FNDC3B: variants seen among roughly 807,000 people sequenced by gnomAD.
FNDC3B encodes the protein fibronectin type III domain containing 3B, also known as fibronectin type III domain-containing protein 3B.
FNDC3B carries 12 observed loss-of-function variants against 151.5 expected under a neutral mutation model. The observed-to-expected ratio is 0.08, with a 90% CI of 0.05 to 0.13. FNDC3B has a LOEUF of 0.13. Among genes scored for constraint, FNDC3B ranks in the 10% least tolerant of loss-of-function variants. The pLI, the probability that FNDC3B is intolerant of heterozygous loss-of-function variation, is 1.00. For synonymous variants in FNDC3B, 528 were observed against 549.0 expected (o/e 0.96, Z 0.54); for missense variants, 1,214 against 1,505.3 (o/e 0.81, Z 3.20).
At chr3:172,214,942 G>A (rs574853454) in intron 3 of FNDC3B, among the ~76,000 whole-genome samples, 1 of 152,324 alleles carries the variant, frequency 6.6e-6, no homozygotes, top group South Asian at 2.1e-4. Flanking sequence ...AACAATAATT[G>A]AAATCCCTGA....
intron 25 of FNDC3B, among the ~76,000 whole-genome samples, chr3:172,387,000 A>C (rs1576968907): frequency 6.6e-6 from 1 of 152,104 alleles, no homozygotes; most frequent in Admixed American, 6.6e-5. Flanking sequence ...TCTGTCGCCC[A>C]GGCTGGAGTA....
At chr3:172,356,181 G>C (rs1734087364) in intron 22 of FNDC3B, among the ~76,000 whole-genome samples, 1 of 152,166 alleles carries the variant, frequency 6.6e-6, no homozygotes, top group Non-Finnish European at 1.5e-5. Context: ...GGTGAGATGG[G>C]CTTTACTAGG....
intron 17 of FNDC3B, among the ~76,000 whole-genome samples, chr3:172,342,801 A>T (rs926266259): frequency 6.6e-6 from 1 of 152,220 alleles, no homozygotes; most frequent in African/African-American, 2.4e-5. Flanking sequence ...CCAGTGCCAT[A>T]TGAAGTCTAT....
At chr3:172,187,304 C>A (rs1025493560) in intron 3 of FNDC3B, 1 of 152,160 alleles carries the variant, frequency 6.6e-6, no homozygotes, top group Admixed American at 6.5e-5. Context: ...CATTACTTGA[C>A]CTCTTCTTAT....
intron 4 of FNDC3B, among the ~76,000 whole-genome samples, chr3:172,246,335 A>T (rs1461341620): frequency 6.6e-6 from 1 of 152,206 alleles, no homozygotes; most frequent in Non-Finnish European, 1.5e-5. Flanking sequence ...CCTGACCTAG[A>T]GGCCATCTCT....
rs180939787 is a variant in FNDC3B, at chr3:172,127,302, G to T, written c.112-6169G>T. On this transcript the variant is annotated intron_variant, in intron 2 of 25. Coordinates refer to ENST00000415807, the MANE Select transcript of FNDC3B (RefSeq NM_022763.4). ...TTAACTGCATTCTCTTATTTTAGCA[G>T]TCTTGTTGAATTATCTCTGTATTGA... 1.6e-3 allele frequency among the ~76,000 whole-genome samples: 248 copies of T among 152,292 alleles called. 3 individuals are homozygous for T. Among genetic ancestry groups the T allele is most frequent in the African/African-American group, 5.7e-3 (238 of 41,568 alleles).
intron 21 of FNDC3B, among the ~76,000 whole-genome samples, chr3:172,350,435 A>G (rs1247759426): frequency 6.6e-6 from 1 of 152,198 alleles, no homozygotes; most frequent in Non-Finnish European, 1.5e-5. Context: ...GGGCTCCATG[A>G]TATCCTATTT....
intron 6 of FNDC3B, among the ~76,000 whole-genome samples, chr3:172,265,896 C>T (rs1450172806): frequency 6.6e-6 from 1 of 152,148 alleles, no homozygotes; most frequent in Non-Finnish European, 1.5e-5. Context: ...CAGATGTTCC[C>T]TCAGCATTTC....
At chr3:172,055,930 G>A (rs1245321321) in intron 1 of FNDC3B, among the ~76,000 whole-genome samples, 1 of 152,010 alleles carries the variant, frequency 6.6e-6, no homozygotes, top group Non-Finnish European at 1.5e-5. Flanking sequence ...ATAGGCGCCC[G>A]CCACCACGCC....
At chr3:172,102,266 G>A (rs139761215) in intron 1 of FNDC3B, among the ~76,000 whole-genome samples, 1 of 152,270 alleles carries the variant, frequency 6.6e-6, no homozygotes, top group African/African-American at 2.4e-5. Flanking sequence ...AGGATGTTTT[G>A]ATGCTAGGTA....
rs983103309 is a variant in FNDC3B at position 172,251,875 on chromosome 3, A to G, written c.790+334A>G. On this transcript the variant is annotated intron_variant, in intron 6 of 25. Transcript: ENST00000415807. ...CAGATGTGGAAGAAATCCAAAGATA[A>G]TTTTTCTAAAAGTGTAGGCTAGTTT... is the stretch of plus-strand genomic sequence containing the variant. Among the ~76,000 whole-genome samples the G allele has an allele frequency of 7.2e-5, 11 of 152,332 alleles. 1 individual carries two copies. In the South Asian group the frequency reaches 1.9e-3, roughly 26 times the overall value.
In FNDC3B at chr3:172,248,896, T is replaced by C. The variant is rs564395148; in HGVS notation, c.508+1120T>C. Among the ~76,000 whole-genome samples the C allele has an allele frequency of 3.2e-4, 49 of 151,942 alleles. 1 individual carries two copies. Among genetic ancestry groups the C allele is most frequent in the African/African-American group, 1.1e-3 (47 of 41,456 alleles). ...ATTTTTTTTTGTAGTCAAAGAAATT[T>C]GACATGATTCAAATTAATCAGGTGC... is the stretch of plus-strand genomic sequence containing the variant. On this transcript the variant is annotated intron_variant, in intron 5 of 25. Transcript: ENST00000415807.
intron 11 of FNDC3B, among the ~76,000 whole-genome samples, chr3:172,314,377 C>T (rs1417778206): frequency 6.6e-6 from 1 of 152,176 alleles, no homozygotes; most frequent in African/African-American, 2.4e-5. Flanking sequence ...GACAGTGCTG[C>T]TCAGAGTCTT....
chr3:172,043,000 C>T (rs905753733), intron 1 of FNDC3B, among the ~76,000 whole-genome samples: 2 of 151,938 alleles, frequency 1.3e-5, no homozygotes, highest in Non-Finnish European at 1.5e-5. Context: ...CTGCAACCTC[C>T]GCCTCCCGGA....
intron 2 of FNDC3B, 40 bp downstream of exon 2, chr3:172,112,630 AG>A: frequency 7.9e-7 from 1 of 1,260,488 alleles, no homozygotes; most frequent in Non-Finnish European, 1.2e-6. Context: ...AAATTGTCTA[AG>A]TGGGAAACAG....
chr3:172,282,404 C>T (rs77310648), intron 6 of FNDC3B, among the ~76,000 whole-genome samples: 14,752 of 152,184 alleles, frequency 0.097, 780 homozygotes, highest in African/African-American at 0.14. Flanking sequence ...TTTCTCCTAA[C>T]ATGAGGGGCT....
chr3:172,228,380 C>T (rs1024264790), intron 4 of FNDC3B, among the ~76,000 whole-genome samples: 1 of 152,146 alleles, frequency 6.6e-6, no homozygotes, highest in Non-Finnish European at 1.5e-5. Context: ...ACCATTGTGA[C>T]GCAAAAATAA....
chr3:172,397,158 C>T lies in FNDC3B; in HGVS notation c.3304-6C>T. 1.3e-6 allele frequency: 2 copies of T among 1,588,960 alleles called. No individual in the cohort carries two copies. Among genetic ancestry groups the T allele is most frequent in the South Asian group, 2.3e-5 (2 of 88,056 alleles). On this transcript the variant is annotated splice_region_variant and splice_polypyrimidine_tract_variant and intron_variant, in intron 25 of 25. Transcript: ENST00000415807. ...TTAATTAACTAGGACTCTTCTTTTC[C>T]TGAAGGTGTACAAGGGAGAAGAAGC...
At chr3:172,326,745 G>A (rs182746469) in intron 11 of FNDC3B, among the ~76,000 whole-genome samples, 177 of 152,074 alleles carry the variant, frequency 1.2e-3, no homozygotes, top group African/African-American at 4.1e-3. Flanking sequence ...TCTTTTTCTC[G>A]TTTGAGCCAC....
Sources: allele counts gnomAD v4.1 joint callset (sites outside exome capture counted in the v4.1 genomes callset), GRCh38; gene constraint gnomAD v4.1.1; transcripts MANE v1.5; gene names NCBI Gene and HGNC (gene_info 2026-07-23, HGNC 2026-07-21).